TMEM45A: variants seen among roughly 807,000 people sequenced by gnomAD.
TMEM45A encodes the protein DNA polymerase-transactivated protein 4.
A neutral mutation model predicts 32.0 loss-of-function variants in TMEM45A; 25 were observed. That is an observed-to-expected ratio of 0.78 (90% confidence interval 0.57 to 1.09). The LOEUF (loss-of-function observed/expected upper bound fraction) is 1.09, where lower values mean the gene tolerates loss of function less well. Among genes scored for constraint, TMEM45A ranks in the 50% least tolerant of loss-of-function variants. The probability of loss-of-function intolerance (pLI) is 0.00; values close to 1 mark genes in which losing one functional copy is unlikely to be tolerated. For synonymous variants in TMEM45A, 122 were observed against 114.8 expected (o/e 1.06, Z -0.40); for missense variants, 302 against 325.0 (o/e 0.93, Z 0.54).
intron 1 of TMEM45A, among the ~76,000 whole-genome samples, chr3:100,531,418 T>A (rs1705645660): frequency 6.6e-6 from 1 of 152,248 alleles, no homozygotes; most frequent in South Asian, 2.1e-4. Context: ...TAGATGATCA[T>A]CTATTGAAGT....
intron 1 of TMEM45A, among the ~76,000 whole-genome samples, chr3:100,530,427 T>C (rs1282283335): frequency 6.6e-6 from 1 of 152,222 alleles, no homozygotes; most frequent in Non-Finnish European, 1.5e-5. Flanking sequence ...GAATGACTCC[T>C]GCCCCTCCAG....
At position 100,532,375 on chromosome 3, in the gene TMEM45A, G is replaced by T. The variant is rs899623054; in HGVS notation, c.-3-22834G>T. On this transcript the variant is annotated intron_variant, in intron 1 of 5. Coordinates refer to ENST00000323523, the MANE Select transcript of TMEM45A (RefSeq NM_018004.3). Reference sequence around the variant, plus strand: ...TACACATTACTGTAACAACTTTTTGGAAAGATAAAAACCAGAACAAAAGTC... The same window carrying T: ...TACACATTACTGTAACAACTTTTTGTAAAGATAAAAACCAGAACAAAAGTC... Among the ~76,000 whole-genome samples the T allele has an allele frequency of 6.6e-5, 10 of 152,220 alleles. 1 individual carries two copies. The highest frequency in any genetic ancestry group is 2.2e-4 in the African/African-American group (9 of 41,544).
intron 1 of TMEM45A, among the ~76,000 whole-genome samples, chr3:100,554,026 A>G (rs1326076768): frequency 6.6e-6 from 1 of 152,204 alleles, no homozygotes; most frequent in Non-Finnish European, 1.5e-5. Flanking sequence ...GCCAGGGGAA[A>G]TCCTGAAATC....
chr3:100,574,059 TC>T (rs1706630457), intron 5 of TMEM45A: 2 of 152,236 alleles, frequency 1.3e-5, no homozygotes, highest in African/African-American at 4.8e-5. Flanking sequence ...TCTAAAATTT[TC>T]TTTTTTGGTT....
intron 1 of TMEM45A, 47 bp downstream of exon 1, chr3:100,492,975 C>G (rs1283955488): frequency 6.6e-6 from 1 of 152,176 alleles, no homozygotes; most frequent in Non-Finnish European, 1.5e-5. Context: ...TTGCCGTGAT[C>G]TCTATCCTGT....
intron 1 of TMEM45A, among the ~76,000 whole-genome samples, chr3:100,545,303 T>G (rs1187855489): frequency 6.6e-6 from 1 of 152,244 alleles, no homozygotes; most frequent in African/African-American, 2.4e-5. Flanking sequence ...AGAATTTATT[T>G]TTGAATCTGA....
intron 1 of TMEM45A, among the ~76,000 whole-genome samples, chr3:100,518,206 G>A (rs1559638170): frequency 6.6e-6 from 1 of 152,192 alleles, no homozygotes; most frequent in African/African-American, 2.4e-5. Context: ...TGCATAGCTG[G>A]TTCTGCCTCT....
At chr3:100,505,895 T>C (rs1299089845) in intron 1 of TMEM45A, among the ~76,000 whole-genome samples, 1 of 152,020 alleles carries the variant, frequency 6.6e-6, no homozygotes, top group Non-Finnish European at 1.5e-5. Context: ...CAATTCAGAC[T>C]CCCAATTTGA....
intron 1 of TMEM45A, among the ~76,000 whole-genome samples, chr3:100,554,777 T>C (rs1412931203): frequency 6.6e-6 from 1 of 152,226 alleles, no homozygotes; most frequent in African/African-American, 2.4e-5. Context: ...TGGCGAAGTA[T>C]ATACTGTGGA....
intron 1 of TMEM45A, among the ~76,000 whole-genome samples, chr3:100,531,974 T>G (rs1705656521): frequency 6.6e-6 from 1 of 152,242 alleles, no homozygotes; most frequent in South Asian, 2.1e-4. Flanking sequence ...ATAATAGAAG[T>G]GATTTGGGCC....
intron 1 of TMEM45A, among the ~76,000 whole-genome samples, chr3:100,541,363 G>A (rs747052326): frequency 7.9e-5 from 12 of 151,938 alleles, no homozygotes; most frequent in South Asian, 6.2e-4. Context: ...TGTTTTTGTC[G>A]CAATTGTTTT....
At chr3:100,539,450 T>TATATGCATATGCATATGCATATGC (rs1392196211) in intron 1 of TMEM45A, among the ~76,000 whole-genome samples, 4 of 115,062 alleles carry the variant, frequency 3.5e-5, no homozygotes, top group East Asian at 5.4e-4. Context: ...TATGTATATG[T>TATATGCATATGCATATGCATATGC]ATATGTATAT....
chr3:100,505,818 C>G (rs190258966), intron 1 of TMEM45A, among the ~76,000 whole-genome samples: 2 of 152,288 alleles, frequency 1.3e-5, no homozygotes, highest in South Asian at 2.1e-4. Context: ...GGCGTACACT[C>G]GGACTGCTCC....
At chr3:100,522,643 G>A (rs1002958740) in intron 1 of TMEM45A, among the ~76,000 whole-genome samples, 3 of 152,164 alleles carry the variant, frequency 2.0e-5, no homozygotes, top group African/African-American at 7.2e-5. Context: ...CTAGGCAGTA[G>A]GCCATCGGGG....
rs9843498 is a variant in TMEM45A, at chr3:100,548,775, G to T, written c.-3-6434G>T. Among the ~76,000 whole-genome samples, 11 of 152,146 alleles carry T rather than the reference G, an allele frequency of 7.2e-5. No homozygotes were observed. In the South Asian group the frequency reaches 1.5e-3, roughly 20 times the overall value. On this transcript the variant is annotated intron_variant, in intron 1 of 5. Coordinates refer to ENST00000323523, the MANE Select transcript of TMEM45A (RefSeq NM_018004.3). ...CTATTCTGCAGTGGGTGCCTCAAGCGCCTGAAGTGTCCCTGTACAATGCAA... is the reference window on the plus strand; with the variant it reads ...CTATTCTGCAGTGGGTGCCTCAAGCTCCTGAAGTGTCCCTGTACAATGCAA...
At chr3:100,538,539 T>A (rs1293481969) in intron 1 of TMEM45A, among the ~76,000 whole-genome samples, 1 of 152,176 alleles carries the variant, frequency 6.6e-6, no homozygotes, top group East Asian at 1.9e-4. Context: ...CTATGCCACA[T>A]CCTACTGGAT....
intron 1 of TMEM45A, among the ~76,000 whole-genome samples, chr3:100,548,283 G>A (rs1410225678): frequency 6.6e-6 from 1 of 152,174 alleles, no homozygotes; most frequent in Non-Finnish European, 1.5e-5. Flanking sequence ...AGATGGGGAA[G>A]TTGGATTTAA....
intron 1 of TMEM45A, among the ~76,000 whole-genome samples, chr3:100,537,569 G>A (rs146133873): frequency 4.6e-5 from 7 of 152,250 alleles, no homozygotes; most frequent in African/African-American, 9.6e-5. Context: ...CCCAAAATAC[G>A]CTCCAGTGTC....
intron 1 of TMEM45A, among the ~76,000 whole-genome samples, chr3:100,523,767 C>CTCCTTTCTCT (rs1226464062): frequency 2.7e-5 from 4 of 148,912 alleles, no homozygotes; most frequent in Admixed American, 1.4e-4. Flanking sequence ...TCTCCTCCTC[C>CTCCTTTCTCT]TCCTTTCTCT....
Sources: gnomAD v4.1 joint callset for allele counts (sites outside exome capture counted in the v4.1 genomes callset) on GRCh38, gnomAD v4.1.1 for gene constraint, MANE v1.5 for transcripts, NCBI Gene and HGNC (gene_info 2026-07-23, HGNC 2026-07-21) for gene names.